HEATR4: variants seen among roughly 807,000 people sequenced by gnomAD.
The protein encoded by HEATR4 is HEAT repeat containing 4.
In HEATR4, 95 loss-of-function variants were observed where a neutral mutation model predicts 108.8. The ratio of observed to expected loss-of-function variants is 0.87; its 90% CI spans 0.74 to 1.04. The LOEUF is 1.04. Ranked by LOEUF, HEATR4 falls within the 50% of genes least tolerant of loss-of-function variation. The pLI, the probability that HEATR4 is intolerant of heterozygous loss-of-function variation, is 0.00. For missense variants in HEATR4, 1,152 were observed against 1,253.8 expected (o/e 0.92, Z 1.23); for synonymous variants, 443 against 459.4 (o/e 0.96, Z 0.46).
intron 1 of HEATR4, among the ~76,000 whole-genome samples, chr14:73,549,624 T>C (rs1198085473): frequency 1.1e-5 from 1 of 88,788 alleles, no homozygotes; most frequent in Admixed American, 1.3e-4. Flanking sequence ...TGAGATTTTT[T>C]TGGTGGTGGA....
the HEATR4 span, chr14:73,573,443 G>A: frequency 5.6e-6 from 9 of 1,613,634 alleles, no homozygotes; most frequent in Non-Finnish European, 6.8e-6. Flanking sequence ...GTGGCCTGCT[G>A]GAGTATCGGG....
At chr14:73,484,137 G>A (rs998618074) in intron 17 of HEATR4, among the ~76,000 whole-genome samples, 3 of 151,408 alleles carry the variant, frequency 2.0e-5, no homozygotes, top group South Asian at 4.2e-4. Context: ...GATTGCAGGC[G>A]TGAGCCATCA....
chr14:73,606,168 C>A, the HEATR4 span, among the ~76,000 whole-genome samples: 1 of 152,052 alleles, frequency 6.6e-6, no homozygotes, highest in Non-Finnish European at 1.5e-5. Context: ...ACCAGCCTGA[C>A]CAACATGGAG....
the HEATR4 span, among the ~76,000 whole-genome samples, chr14:73,608,605 G>A: frequency 2.0e-5 from 3 of 152,048 alleles, no homozygotes; most frequent in African/African-American, 7.2e-5. Flanking sequence ...ACTTTCCCAC[G>A]CTTTCCTGTC....
chr14:73,552,275 C>G (rs1225546822), intron 1 of HEATR4, among the ~76,000 whole-genome samples: 2 of 95,980 alleles, frequency 2.1e-5, no homozygotes, highest in African/African-American at 7.6e-5. Flanking sequence ...ACAACCCCAG[C>G]CCAGAATTCT....
intron 8 of HEATR4, 95 bp downstream of exon 8, chr14:73,509,217 G>A: frequency 8.3e-7 from 1 of 1,205,642 alleles, no homozygotes; most frequent in Non-Finnish European, 1.2e-6. Context: ...AGCAGACATT[G>A]CAGAGCATCA....
intron 17 of HEATR4, among the ~76,000 whole-genome samples, chr14:73,481,797 A>G (rs977047326): frequency 1.6e-4 from 24 of 152,084 alleles, no homozygotes; most frequent in Admixed American, 3.3e-4. Flanking sequence ...GTGAGCCAAG[A>G]TCGTGCCACT....
At position 73,548,119 on chromosome 14, in the gene HEATR4, G is replaced by A. The variant is rs1164729472; in HGVS notation, c.-152+10632C>T. Among the ~76,000 whole-genome samples the A allele has an allele frequency of 3.5e-5, 4 of 114,402 alleles. 1 individual carries two copies. Among genetic ancestry groups the A allele is most frequent in the African/African-American group, 1.1e-4 (4 of 35,190 alleles). The allele number at this position is 114,402 out of a possible 152,430, so 75.1% of individuals were successfully genotyped here. The stretch of plus-strand genomic sequence containing the variant: ...AATTTTTAATTTTTTGCAGAAACAG[G>A]GTCTTATTATGTTGCCCAGGCTGGT... On this transcript the variant is annotated intron_variant, in intron 1 of 17. Coordinates refer to ENST00000553558, the MANE Select transcript of HEATR4 (RefSeq NM_001220484.1).
At chr14:73,592,056 A>C in the HEATR4 span, 6 of 1,478,288 alleles carry the variant, frequency 4.1e-6, no homozygotes, top group Admixed American at 1.0e-4. Flanking sequence ...GCAGCGGGTT[A>C]CGCTGCGCGC....
the HEATR4 span, chr14:73,619,918 T>TC: frequency 7.9e-7 from 1 of 1,261,052 alleles, no homozygotes; most frequent in Non-Finnish European, 1.1e-6. Flanking sequence ...CTTTCTTTTC[T>TC]CTTTTTTTTT....
intron 2 of HEATR4, among the ~76,000 whole-genome samples, chr14:73,523,709 G>A (rs148622964): frequency 8.5e-5 from 13 of 152,188 alleles, no homozygotes; most frequent in African/African-American, 3.1e-4. Context: ...TCCTCTACAT[G>A]AAATGGCCTT....
the HEATR4 span, chr14:73,571,105 C>T: frequency 6.6e-6 from 1 of 151,794 alleles, no homozygotes; most frequent in Admixed American, 6.6e-5. Flanking sequence ...ACCATTGCTC[C>T]AGCTGCAGCT....
At chr14:73,622,819 G>A in the HEATR4 span, among the ~76,000 whole-genome samples, 1 of 152,126 alleles carries the variant, frequency 6.6e-6, no homozygotes, top group African/African-American at 2.4e-5. Flanking sequence ...CAGAAATGAG[G>A]CTAATATAAT....
chr14:73,509,213 C>A, intron 8 of HEATR4, 99 bp downstream of exon 8: 1 of 1,157,092 alleles, frequency 8.6e-7, no homozygotes, highest in Non-Finnish European at 1.3e-6. Context: ...ATACAGCAGA[C>A]ATTGCAGAGC....
chr14:73,508,123 T>G lies in HEATR4; in HGVS notation c.1881+11A>C, dbSNP rs1467115824. The stretch of plus-strand genomic sequence containing the variant: ...CCCAAAACTGTGTCTGACCCGGTAA[T>G]GGACACATACTGTCTTCTCACTCAG... On this transcript the variant is annotated intron_variant, in intron 9 of 17. Transcript: ENST00000553558. 6 of 1,613,130 alleles carry G rather than the reference T, an allele frequency of 3.7e-6. No individual in the cohort carries two copies. The Admixed American group carries it at 1.0e-4, about 27-fold the overall frequency.
chr14:73,482,533 C>CA (rs76082231), intron 17 of HEATR4, among the ~76,000 whole-genome samples: 30,229 of 151,482 alleles, frequency 0.2, 3,311 homozygotes, highest in East Asian at 0.34. Flanking sequence ...CCATCTCAAA[C>CA]AAAAAAAGGG....
At chr14:73,631,616 C>T in the HEATR4 span, 3 of 163,440 alleles carry the variant, frequency 1.8e-5, no homozygotes, top group Middle Eastern at 1.2e-3. Flanking sequence ...CCCAGAAGAA[C>T]GGGTCGCTGC....
chr14:73,615,502 G>A, the HEATR4 span, among the ~76,000 whole-genome samples: 2 of 151,488 alleles, frequency 1.3e-5, no homozygotes, highest in Non-Finnish European at 2.9e-5. Flanking sequence ...AGGCCAAGGT[G>A]GGCGGATCAT....
intron 17 of HEATR4, 40 bp downstream of exon 17, chr14:73,493,026 A>G: frequency 1.3e-6 from 2 of 1,550,098 alleles, no homozygotes; most frequent in Non-Finnish European, 1.7e-6. Flanking sequence ...CCTTAAACTC[A>G]CGTTCTTACC....
Sources: allele counts gnomAD v4.1 joint callset (sites outside exome capture counted in the v4.1 genomes callset), GRCh38; gene constraint gnomAD v4.1.1; transcripts MANE v1.5; gene names NCBI Gene and HGNC (gene_info 2026-07-23, HGNC 2026-07-21).